DLG2: variants seen among roughly 807,000 people sequenced by gnomAD.
The protein encoded by DLG2 is discs large MAGUK scaffold protein 2.
In DLG2, 45 loss-of-function variants were observed where a neutral mutation model predicts 132.5. That is an observed-to-expected ratio of 0.34 (90% CI 0.27 to 0.44). DLG2 has a LOEUF of 0.44. Among genes scored for constraint, DLG2 ranks in the 20% least tolerant of loss-of-function variants. The probability of loss-of-function intolerance (pLI) is 1.00; values close to 1 mark genes in which losing one functional copy is unlikely to be tolerated. For missense variants in DLG2, 1,045 were observed against 1,196.9 expected, an observed-to-expected ratio of 0.87 and a Z score of 1.87; for synonymous variants, 424 against 419.6, an observed-to-expected ratio of 1.01 and a Z score of -0.13.
intron 3 of DLG2, among the ~76,000 whole-genome samples, chr11:85,340,101 A>C (rs976331983): frequency 1.5e-4 from 23 of 152,210 alleles, no homozygotes; most frequent in African/African-American, 4.3e-4. Context: ...AGGATCTAGA[A>C]CTAGAATTAC....
intron 7 of DLG2, among the ~76,000 whole-genome samples, chr11:84,421,635 C>T (rs2098951193): frequency 6.6e-6 from 1 of 152,148 alleles, no homozygotes. Flanking sequence ...ACCTTAAAAC[C>T]CATCAGTGAC....
intron 6 of DLG2, among the ~76,000 whole-genome samples, chr11:84,854,264 C>A (rs116136232): frequency 6.6e-6 from 1 of 150,734 alleles, no homozygotes; most frequent in Non-Finnish European, 1.5e-5. Flanking sequence ...TATAAACCTG[C>A]CTAACAAGTA....
intron 7 of DLG2, among the ~76,000 whole-genome samples, chr11:84,264,610 C>A (rs540028930): frequency 7.9e-5 from 12 of 152,280 alleles, no homozygotes; most frequent in African/African-American, 2.9e-4. Context: ...TGATGATTCC[C>A]AGGCTGGGAC....
intron 6 of DLG2, among the ~76,000 whole-genome samples, chr11:84,911,310 AT>A (rs2092035150): frequency 6.6e-6 from 1 of 151,930 alleles, no homozygotes; most frequent in African/African-American, 2.4e-5. Flanking sequence ...TTAATTCATA[AT>A]TGTACTGTTT....
intron 3 of DLG2, among the ~76,000 whole-genome samples, chr11:85,519,623 T>C (rs1331572250): frequency 2.0e-5 from 3 of 152,206 alleles, no homozygotes; most frequent in Non-Finnish European, 4.4e-5. Context: ...AATGCTGAAA[T>C]GAGTTAAGTC....
intron 7 of DLG2, among the ~76,000 whole-genome samples, chr11:84,410,086 A>T (rs751774939): frequency 8.5e-5 from 13 of 152,344 alleles, no homozygotes; most frequent in South Asian, 4.1e-4. Flanking sequence ...AGAGCTAATT[A>T]CTGACTGAAC....
intron 9 of DLG2, among the ~76,000 whole-genome samples, chr11:84,142,102 G>A (rs1447953433): frequency 6.6e-6 from 1 of 151,958 alleles, no homozygotes; most frequent in East Asian, 1.9e-4. Context: ...AAGAGATCGA[G>A]ACCATCCTGG....
intron 14 of DLG2, among the ~76,000 whole-genome samples, chr11:83,944,659 G>A (rs999861768): frequency 8.9e-4 from 136 of 152,270 alleles, no homozygotes; most frequent in Non-Finnish European, 1.6e-4. Context: ...TAACCAATCC[G>A]GAATAGATTC....
intron 3 of DLG2, among the ~76,000 whole-genome samples, chr11:85,477,325 G>C (rs1362710117): frequency 6.6e-6 from 1 of 152,098 alleles, no homozygotes; most frequent in African/African-American, 2.4e-5. Flanking sequence ...ATGAACTTAA[G>C]ACCTTGGTAT....
intron 18 of DLG2, among the ~76,000 whole-genome samples, chr11:83,735,795 T>A (rs750795270): frequency 6.6e-6 from 1 of 152,198 alleles, no homozygotes; most frequent in African/African-American, 2.4e-5. Flanking sequence ...CCTTTCTAAG[T>A]GAACTACAGT....
intron 7 of DLG2, among the ~76,000 whole-genome samples, chr11:84,393,864 A>G (rs2098801611): frequency 6.6e-6 from 1 of 152,072 alleles, no homozygotes; most frequent in African/African-American, 2.4e-5. Flanking sequence ...CATTATTGTC[A>G]TCATATTTTT....
chr11:84,832,316 A>C (rs2079145499), intron 6 of DLG2, among the ~76,000 whole-genome samples: 1 of 151,712 alleles, frequency 6.6e-6, no homozygotes, highest in African/African-American at 2.4e-5. Context: ...ATTTAGGTTC[A>C]GAAGCAACAA....
intron 4 of DLG2, among the ~76,000 whole-genome samples, chr11:85,212,767 C>G (rs2082331411): frequency 6.6e-6 from 1 of 152,186 alleles, no homozygotes; most frequent in Non-Finnish European, 1.5e-5. Context: ...CAAGGTCACA[C>G]AGCAAACTGA....
At chr11:83,899,345 A>T (rs951770718) in intron 15 of DLG2, among the ~76,000 whole-genome samples, 1 of 152,202 alleles carries the variant, frequency 6.6e-6, no homozygotes, top group African/African-American at 2.4e-5. Context: ...AAGCTCAGTC[A>T]TGTAGGATTT....
chr11:84,547,168 T>A (rs911673554), intron 6 of DLG2, among the ~76,000 whole-genome samples: 2 of 152,210 alleles, frequency 1.3e-5, no homozygotes, highest in African/African-American at 4.8e-5. Context: ...TGTGATCTAG[T>A]AAGTAGTCAC....
chr11:83,985,216 C>T (rs184388710), intron 11 of DLG2, among the ~76,000 whole-genome samples: 37 of 152,192 alleles, frequency 2.4e-4, no homozygotes, highest in Middle Eastern at 3.4e-3. Context: ...TAAGGCATGC[C>T]ATGACTAATG....
intron 3 of DLG2, among the ~76,000 whole-genome samples, chr11:85,540,065 AC>A (rs1181912438): frequency 3.3e-5 from 5 of 152,224 alleles, no homozygotes; most frequent in African/African-American, 9.6e-5. Context: ...TGACTCCAAT[AC>A]TGCTTTAGAT....
chr11:83,516,646 T>G (rs1435036429), intron 21 of DLG2, among the ~76,000 whole-genome samples: 1 of 152,202 alleles, frequency 6.6e-6, no homozygotes, highest in Non-Finnish European at 1.5e-5. Context: ...TTGGCATGAT[T>G]TTGCAGTGGC....
intron 16 of DLG2, among the ~76,000 whole-genome samples, chr11:83,851,244 A>C (rs2059711008): frequency 6.6e-6 from 1 of 152,144 alleles, no homozygotes; most frequent in Admixed American, 6.6e-5. Flanking sequence ...CATGTTAGGA[A>C]AGGATTGTGG....
Sources: gnomAD v4.1 joint callset for allele counts (sites outside exome capture counted in the v4.1 genomes callset) on GRCh38, gnomAD v4.1.1 for gene constraint, MANE v1.5 for transcripts, NCBI Gene and HGNC (gene_info 2026-07-23, HGNC 2026-07-21) for gene names.